IGF2R: variants seen among roughly 807,000 people sequenced by gnomAD.
IGF2R encodes insulin like growth factor 2 receptor, also known as cation-independent mannose-6-phosphate receptor.
IGF2R carries 91 observed loss-of-function variants against 270.6 expected under a neutral mutation model. The ratio of observed to expected loss-of-function variants is 0.34; its 90% CI spans 0.28 to 0.40. The LOEUF (loss-of-function observed/expected upper bound fraction) is 0.40. Ranked by LOEUF, IGF2R falls within the 10% of genes least tolerant of loss-of-function variation. The pLI is 1.00. For synonymous variants in IGF2R, 1,316 were observed against 1,258.9 expected (o/e 1.05, Z -0.96); for missense variants, 2,805 against 3,188.3 (o/e 0.88, Z 2.90).
chr6:159,971,361 T>C (rs1465601191), intron 1 of IGF2R, among the ~76,000 whole-genome samples: 1 of 152,230 alleles, frequency 6.6e-6, no homozygotes, highest in Non-Finnish European at 1.5e-5. Context: ...TTCTGGCCAC[T>C]GTCACACGTG....
At chr6:159,978,661 AAAAGT>A (rs1265710634) in intron 1 of IGF2R, among the ~76,000 whole-genome samples, 5 of 152,120 alleles carry the variant, frequency 3.3e-5, no homozygotes, top group Non-Finnish European at 7.4e-5. Flanking sequence ...CTTAAAAAAA[AAAAGT>A]ACGGTCGTTT....
In IGF2R at chr6:159,992,264, G is replaced by A. The variant is rs374880855; in HGVS notation, c.289+941G>A. Among the ~76,000 whole-genome samples the A allele has an allele frequency of 2.0e-5, 3 of 152,148 alleles. No homozygotes were observed. The East Asian group carries it at 5.8e-4, about 29-fold the overall frequency. ...TTTTTATAGATTTGGCAGTTCAAGTGCAGTTTGTTACATGGATATATTGCA... is the reference window on the plus strand; with the variant it reads ...TTTTTATAGATTTGGCAGTTCAAGTACAGTTTGTTACATGGATATATTGCA... On this transcript the variant is annotated intron_variant, in intron 2 of 47. Coordinates refer to ENST00000356956, the MANE Select transcript of IGF2R (RefSeq NM_000876.4).
intron 41 of IGF2R, among the ~76,000 whole-genome samples, chr6:160,087,264 A>G (rs1410956249): frequency 6.6e-6 from 1 of 152,232 alleles, no homozygotes; most frequent in Admixed American, 6.5e-5. Context: ...TGGGAGGCTC[A>G]CATGAGGGTA....
At chr6:160,026,761 G>A (rs1241127639) in intron 5 of IGF2R, among the ~76,000 whole-genome samples, 2 of 152,204 alleles carry the variant, frequency 1.3e-5, no homozygotes, top group African/African-American at 2.4e-5. Context: ...TTAGACCAAC[G>A]TTATCGACAT....
chr6:159,972,105 G>T (rs1352883175), intron 1 of IGF2R, among the ~76,000 whole-genome samples: 1 of 152,142 alleles, frequency 6.6e-6, no homozygotes, highest in Non-Finnish European at 1.5e-5. Context: ...GAATAGGAAT[G>T]TAAGTTGATT....
rs1332059464 is a variant in IGF2R at position 160,075,981 on chromosome 6, G to A, written c.5301G>A (p.Lys1767=). 6.2e-7 allele frequency: 1 copy of A among 1,614,228 alleles called. No homozygotes were observed. The highest frequency in any genetic ancestry group is 1.3e-5 in the African/African-American group (1 of 75,066). Residue 1767 remains lysine (K), a synonymous_variant, in exon 36 of 48, where the codon AAG becomes AAA. Transcript: ENST00000356956. ...CCTCGCTCATCGCGTTTCACTGTAA[G>A]AGAGGTGTGAGCATGGTAAGTGTGG... ...NYTSLIAFHC[K]RGVSMGTPKL... is the part of the protein sequence containing the mutation.
At chr6:160,098,491 T>C (rs74298706) in intron 45 of IGF2R, among the ~76,000 whole-genome samples, 1 of 152,098 alleles carries the variant, frequency 6.6e-6, no homozygotes, top group Non-Finnish European at 1.5e-5. Context: ...GATTTTTTTT[T>C]CCCCAAATGT....
intron 39 of IGF2R, among the ~76,000 whole-genome samples, chr6:160,082,679 G>T (rs1779011581): frequency 6.6e-6 from 1 of 152,198 alleles, no homozygotes; most frequent in Non-Finnish European, 1.5e-5. Flanking sequence ...AATCACCTAG[G>T]GCTGTGGGGT....
chr6:160,091,468 G>A (rs1779224888), intron 44 of IGF2R, among the ~76,000 whole-genome samples: 1 of 152,160 alleles, frequency 6.6e-6, no homozygotes, highest in Admixed American at 6.5e-5. Flanking sequence ...GGTCAGCATC[G>A]CTGCTCCTGG....
chr6:159,994,504 CT>C (rs143632853), intron 2 of IGF2R, among the ~76,000 whole-genome samples: 2,116 of 146,620 alleles, frequency 0.014, 49 homozygotes, highest in African/African-American at 0.05. Flanking sequence ...TTGGTTTGTT[CT>C]TTTTTTTTTC....
At chr6:160,060,471 G>A (rs997296579) in intron 22 of IGF2R, 76 bp from the exon 23 acceptor site, 1 of 1,446,960 alleles carries the variant, frequency 6.9e-7, no homozygotes. Context: ...GCCTTGTCCT[G>A]TTGCTGCACT....
At chr6:160,030,735 C>T (rs1033019115) in intron 7 of IGF2R, among the ~76,000 whole-genome samples, 22 of 151,792 alleles carry the variant, frequency 1.4e-4, no homozygotes, top group African/African-American at 5.1e-4. Flanking sequence ...GGGAGTTTTC[C>T]TCCTTTTTCT....
At chr6:159,996,630 C>T (rs1784058387) in intron 2 of IGF2R, among the ~76,000 whole-genome samples, 1 of 152,202 alleles carries the variant, frequency 6.6e-6, no homozygotes, top group African/African-American at 2.4e-5. Context: ...ATCTGCCTCC[C>T]TGTCACACCC....
At chr6:159,992,597 A>ATC (rs1355390880) in intron 2 of IGF2R, among the ~76,000 whole-genome samples, 2 of 131,726 alleles carry the variant, frequency 1.5e-5, no homozygotes, top group African/African-American at 6.2e-5. Flanking sequence ...AAAGAATGAA[A>ATC]TCACACACAC....
intron 10 of IGF2R, among the ~76,000 whole-genome samples, chr6:160,036,397 C>T (rs1322836183): frequency 6.6e-6 from 1 of 152,136 alleles, no homozygotes; most frequent in Non-Finnish European, 1.5e-5. Flanking sequence ...TCCCCATGTG[C>T]CCAGCCCCTC....
In IGF2R at chr6:160,080,142, C is replaced by T. The variant is rs752770946; in HGVS notation, c.5700C>T (p.Gly1900=). 27 of 1,613,946 alleles carry T rather than the reference C, an allele frequency of 1.7e-5. No individual in the cohort carries two copies. Among genetic ancestry groups the T allele is most frequent in the South Asian group, 4.4e-5 (4 of 91,080 alleles). Residue 1900 remains glycine, a synonymous_variant, in exon 39 of 48, where the codon GGC becomes GGT. Coordinates refer to ENST00000356956, the MANE Select transcript of IGF2R (RefSeq NM_000876.4). ...GDRCPPETDD[G]VPCVFPFIFN... ...TCTTCTTTCCAGAAACCGATGACGG[C>T]GTCCCCTGTGTCTTCCCCTTCATAT...
At position 160,102,770 on chromosome 6, in the gene IGF2R, C is replaced by T; in HGVS notation, c.6995+99C>T. 7.4e-7 allele frequency: 1 copy of T among 1,356,400 alleles called. No individual in the cohort carries two copies. Among genetic ancestry groups the T allele is most frequent in the Non-Finnish European group, 1.0e-6 (1 of 1,001,478 alleles). 84.0% of individuals were successfully genotyped at this position (1,356,400 alleles called of 1,614,324 possible). On this transcript the variant is annotated intron_variant, in intron 46 of 47. Coordinates refer to ENST00000356956, the MANE Select transcript of IGF2R (RefSeq NM_000876.4). This position sits in a 1 kb window ranked among gnomAD's most constrained non-coding sequence, Gnocchi z 4.5. Reference sequence around the variant, plus strand: ...GGGGTTTTATTTATTTGTTTTTAAGCCCTACAGCAGCGAAGGCTCGAGGTT... The same window carrying T: ...GGGGTTTTATTTATTTGTTTTTAAGTCCTACAGCAGCGAAGGCTCGAGGTT...
Position 160,108,506 on chromosome 6 carries a change from C to T in IGF2R, c.*3422C>T, listed in dbSNP as rs1330135861. 6.6e-6 allele frequency: 1 copy of T among 152,326 alleles called. No individual in the cohort carries two copies. Among genetic ancestry groups the T allele is most frequent in the Non-Finnish European group, 1.5e-5 (1 of 68,150 alleles). 9.4% of individuals were successfully genotyped at this position (152,326 alleles called of 1,614,324 possible). On this transcript the variant is annotated 3_prime_UTR_variant, in exon 48 of 48. Coordinates refer to ENST00000356956, the MANE Select transcript of IGF2R (RefSeq NM_000876.4). ...TAAAGAGATGGAGACGCTTCAGCAA[C>T]CAGATGGGAGGTTGGGCATGGGAGC...
intron 4 of IGF2R, among the ~76,000 whole-genome samples, chr6:160,016,145 A>G (rs939165363): frequency 6.6e-6 from 1 of 152,208 alleles, no homozygotes; most frequent in Non-Finnish European, 1.5e-5. Context: ...GCGATGGGCC[A>G]CAGGTGGGAG....
Sources: allele counts gnomAD v4.1 joint callset (sites outside exome capture counted in the v4.1 genomes callset), GRCh38; gene constraint gnomAD v4.1.1; non-coding constraint Gnocchi (gnomAD v3.1); transcripts MANE v1.5; gene names NCBI Gene and HGNC (gene_info 2026-07-23, HGNC 2026-07-21).